The following FERMT2 variants were observed in gnomAD, a reference collection of about 807,000 sequenced individuals.
FERMT2 encodes the protein fermitin family homolog 2.
FERMT2 carries 15 observed loss-of-function variants against 82.7 expected under a neutral mutation model. The ratio of observed to expected loss-of-function variants is 0.18; its 90% CI spans 0.12 to 0.28. The LOEUF (loss-of-function observed/expected upper bound fraction) is 0.28, where lower values mean the gene tolerates loss of function less well. Among genes scored for constraint, FERMT2 ranks in the 10% least tolerant of loss-of-function variants. FERMT2 has a pLI of 1.00. For missense variants in FERMT2, 645 were observed against 809.4 expected, an observed-to-expected ratio of 0.80 and a Z score of 2.46; for synonymous variants, 274 against 271.5, an observed-to-expected ratio of 1.01 and a Z score of -0.09.
At chr14:52,922,193 G>A (rs1888992460) in intron 2 of FERMT2, among the ~76,000 whole-genome samples, 1 of 152,102 alleles carries the variant, frequency 6.6e-6, no homozygotes, top group African/African-American at 2.4e-5. Context: ...AGTCCTTCAG[G>A]GCATGCCTCA....
At chr14:52,914,519 C>A (rs1298750494) in intron 3 of FERMT2, among the ~76,000 whole-genome samples, 1 of 152,070 alleles carries the variant, frequency 6.6e-6, no homozygotes, top group Non-Finnish European at 1.5e-5. Flanking sequence ...CAATACTGTA[C>A]TAGAGGTTTA....
chr14:52,950,741 T>C (rs1160002175), intron 1 of FERMT2, 164 bp from the exon 2 acceptor site: 1 of 596,792 alleles, frequency 1.7e-6, no homozygotes, highest in Non-Finnish European at 2.8e-6. Context: ...GGGAGGACCC[T>C]ACGCCCCGCT....
chr14:52,905,694 T>C (rs1407299539), intron 3 of FERMT2, among the ~76,000 whole-genome samples: 1 of 152,164 alleles, frequency 6.6e-6, no homozygotes, highest in African/African-American at 2.4e-5. Flanking sequence ...TATGTGTACC[T>C]GGGATGGAAG....
chr14:52,890,073 T>C (rs1482429590), intron 4 of FERMT2, among the ~76,000 whole-genome samples: 2 of 149,722 alleles, frequency 1.3e-5, no homozygotes, highest in East Asian at 2.0e-4. Flanking sequence ...AGAGCCAAGA[T>C]TGCTCCACTG....
At chr14:52,873,634 T>C (rs1594936618) in intron 9 of FERMT2, 1 of 152,538 alleles carries the variant, frequency 6.6e-6, no homozygotes, top group East Asian at 1.9e-4. Flanking sequence ...GTATCTTATA[T>C]AGTAGAAAAT....
chr14:52,910,095 T>C (rs1888230546), intron 3 of FERMT2, among the ~76,000 whole-genome samples: 1 of 152,168 alleles, frequency 6.6e-6, no homozygotes, highest in African/African-American at 2.4e-5. Context: ...AAAAATCCAA[T>C]CTTTATTGTT....
chr14:52,934,008 C>G (rs1889721916), intron 2 of FERMT2, among the ~76,000 whole-genome samples: 1 of 152,068 alleles, frequency 6.6e-6, no homozygotes, highest in Non-Finnish European at 1.5e-5. Context: ...CTTCACTGAC[C>G]CACCTGTCAA....
chr14:52,867,204 T>C (rs954399741), intron 10 of FERMT2, among the ~76,000 whole-genome samples: 20 of 151,874 alleles, frequency 1.3e-4, no homozygotes, highest in African/African-American at 4.6e-4. Context: ...TCTCCCAAAA[T>C]GTTGGGATTA....
chr14:52,931,156 G>T (rs1363155269), intron 2 of FERMT2, among the ~76,000 whole-genome samples: 1 of 152,110 alleles, frequency 6.6e-6, no homozygotes, highest in Non-Finnish European at 1.5e-5. Context: ...ACTATCATAT[G>T]CCAGGCACTA....
At chr14:52,939,352 G>T (rs1353341754) in intron 2 of FERMT2, among the ~76,000 whole-genome samples, 2 of 137,330 alleles carry the variant, frequency 1.5e-5, no homozygotes, top group African/African-American at 5.4e-5. Flanking sequence ...CAGCCTGGGC[G>T]ACAGAGTGAG....
At chr14:52,860,978 A>G in intron 12 of FERMT2, 1 of 1,466,248 alleles carries the variant, frequency 6.8e-7, no homozygotes, top group Non-Finnish European at 9.2e-7. Flanking sequence ...ATTTTTATTT[A>G]TTCTTTTTCT....
chr14:52,894,309 A>C (rs1176513600), intron 3 of FERMT2, among the ~76,000 whole-genome samples: 1 of 152,234 alleles, frequency 6.6e-6, no homozygotes, highest in East Asian at 1.9e-4. Flanking sequence ...CACGATGTTC[A>C]CAAATTTCAA....
intron 3 of FERMT2, among the ~76,000 whole-genome samples, chr14:52,904,718 A>G (rs1887889363): frequency 6.7e-6 from 1 of 148,892 alleles, no homozygotes; most frequent in Admixed American, 6.8e-5. Flanking sequence ...AAACAAACAA[A>G]CCAGCCTGGG....
chr14:52,892,713 C>T (rs1887018397), intron 4 of FERMT2, among the ~76,000 whole-genome samples: 1 of 152,164 alleles, frequency 6.6e-6, no homozygotes, highest in Non-Finnish European at 1.5e-5. Context: ...GCCTTGGCTT[C>T]CCAAAGTGCT....
In FERMT2 at chr14:52,858,530, A is replaced by G; in HGVS notation, c.1890T>C (p.Asp630=). Reference sequence around the variant, plus strand: ...TACAAATGAAGGACAATCGTACTTCATCTGCAAACTCTACGGTGACCTGGA... The same window carrying G: ...TACAAATGAAGGACAATCGTACTTCGTCTGCAAACTCTACGGTGACCTGGA... The part of the protein sequence containing the change: ...EIKMVTVEFA[D]EVRLSFICTE... The change falls in exon 15 of 15, where the codon GAT becomes GAC. Residue 630 remains aspartate, a synonymous_variant. Coordinates refer to ENST00000341590, the MANE Select transcript of FERMT2 (RefSeq NM_006832.3). 6.2e-7 allele frequency: 1 copy of G among 1,614,158 alleles called. No individual in the cohort carries two copies. The highest frequency in any genetic ancestry group is 8.5e-7 in the Non-Finnish European group (1 of 1,179,988).
At chr14:52,879,283 A>G in intron 6 of FERMT2, among the ~76,000 whole-genome samples, 1 of 152,248 alleles carries the variant, frequency 6.6e-6, no homozygotes, top group East Asian at 1.9e-4. Flanking sequence ...ATAAAAGTCA[A>G]TAGTAATGCC....
Position 52,943,487 on chromosome 14 carries a change from T to A in FERMT2, c.157+6925A>T, listed in dbSNP as rs1244827905. Among the ~76,000 whole-genome samples the A allele has an allele frequency of 2.0e-5, 3 of 152,018 alleles. 1 individual carries two copies. In the South Asian group the frequency reaches 6.2e-4, roughly 31 times the overall value. On this transcript the variant is annotated intron_variant, in intron 2 of 14. Coordinates refer to ENST00000341590, the MANE Select transcript of FERMT2 (RefSeq NM_006832.3). Reference sequence around the variant, plus strand: ...ACTAAATGCGAAATGAGATTCTGGATGGGAAAAAAACAAAGGCCATTATTG... The same window carrying A: ...ACTAAATGCGAAATGAGATTCTGGAAGGGAAAAAAACAAAGGCCATTATTG...
At chr14:52,858,752 A>G in intron 14 of FERMT2, 1 of 493,844 alleles carries the variant, frequency 2.0e-6, no homozygotes, top group Non-Finnish European at 3.6e-6. Context: ...CTACACTTTA[A>G]GTTTTCATGT....
chr14:52,922,474 T>C (rs932078205), intron 2 of FERMT2, among the ~76,000 whole-genome samples: 8 of 63,092 alleles, frequency 1.3e-4, no homozygotes, highest in African/African-American at 3.6e-4. Context: ...AAGGAATGTT[T>C]ATTAAATTAA....
Sources: gnomAD v4.1 joint callset for allele counts (sites outside exome capture counted in the v4.1 genomes callset) on GRCh38, gnomAD v4.1.1 for gene constraint, MANE v1.5 for transcripts, NCBI Gene and HGNC (gene_info 2026-07-23, HGNC 2026-07-21) for gene names.